RIBC1: variants seen among roughly 807,000 people sequenced by gnomAD.
The protein encoded by RIBC1 is RIB43A-like with coiled-coils protein 1.
In RIBC1, 12 loss-of-function variants were observed where a neutral mutation model predicts 33.7. The ratio of observed to expected loss-of-function variants is 0.36; its 90% confidence interval spans 0.23 to 0.58. The LOEUF (loss-of-function observed/expected upper bound fraction) is 0.58, where lower values mean the gene tolerates loss of function less well. Among genes scored for constraint, RIBC1 ranks in the 20% least tolerant of loss-of-function variants. The probability of loss-of-function intolerance (pLI) is 0.81; values close to 1 mark genes in which losing one functional copy is unlikely to be tolerated. For synonymous variants in RIBC1, 89 were observed against 109.0 expected, an observed-to-expected ratio of 0.82 and a Z score of 1.14; for missense variants, 242 against 311.6, an observed-to-expected ratio of 0.78 and a Z score of 1.68.
chrX:53,424,210 A>G (rs962870899), intron 2 of RIBC1, among the ~76,000 whole-genome samples: 12 of 111,243 alleles, frequency 1.1e-4, no homozygotes, highest in Admixed American at 1.9e-4. Flanking sequence ...CCATGGGGAA[A>G]TACTGTTCCC....
chrX:53,430,475 G>C lies in RIBC1; in HGVS notation c.743G>C (p.Ser248Thr), dbSNP rs1556894074. ...KANLAEIQHQ[S>T]TSDLLTENPQ... ...AACCTTGCGGAGATCCAGCACCAGA[G>C]CACGAGTGACCTACTGACTGAAAAC... Residue 248 changes from serine to threonine, a missense_variant, in exon 7 of 8, where the codon AGC becomes ACC. Coordinates refer to ENST00000375327, the MANE Select transcript of RIBC1 (RefSeq NM_001031745.5). The C allele has an allele frequency of 7.4e-6, 9 of 1,209,212 alleles. 1 individual carries two copies. In the South Asian group the frequency reaches 1.6e-4, roughly 21 times the overall value.
At chrX:53,425,515 T>TAAAAAAAAAAAA (rs782760749) in intron 2 of RIBC1, among the ~76,000 whole-genome samples, 1 of 25,861 alleles carries the variant, frequency 3.9e-5, no homozygotes, top group African/African-American at 1.6e-4. Flanking sequence ...GTAATAAAAG[T>TAAAAAAAAAAAA]AAAAAAAAAA....
chrX:53,427,652 A>T (rs1049220995), intron 3 of RIBC1, among the ~76,000 whole-genome samples: 3 of 112,409 alleles, frequency 2.7e-5, no homozygotes, highest in Non-Finnish European at 5.6e-5. Flanking sequence ...GTGAAGGCTG[A>T]GCTGGTCTCG....
chrX:53,422,942 C>T lies in RIBC1; in HGVS notation c.-152C>T. On this transcript the variant is annotated 5_prime_UTR_variant, in exon 1 of 8. Coordinates refer to ENST00000375327, the MANE Select transcript of RIBC1 (RefSeq NM_001031745.5). Reference sequence around the variant, plus strand: ...TGAGGTTCAAGGAGGCGGGGGAGACCTGAGCTCACGCTTGCTGAGACAGAA... The same window carrying T: ...TGAGGTTCAAGGAGGCGGGGGAGACTTGAGCTCACGCTTGCTGAGACAGAA... The T allele has an allele frequency of 7.7e-6, 2 of 261,218 alleles. No individual in the cohort carries two copies. The highest frequency in any genetic ancestry group is 1.4e-5 in the Non-Finnish European group (2 of 139,703). 21.5% of individuals were successfully genotyped at this position (261,218 alleles called of 1,213,427 possible).
Position 53,428,577 on chromosome X carries a change from A to C in RIBC1, c.494A>C (p.Glu165Ala). 1 of 1,210,627 alleles carries C rather than the reference A, an allele frequency of 8.3e-7. No individual in the cohort carries two copies. Among genetic ancestry groups the C allele is most frequent in the Non-Finnish European group, 1.1e-6 (1 of 894,983 alleles). ...MQQGQFRYNL[E>A]RQQQEQQQAK... ...CAGGGGCAGTTCAGGTACAACTTGG[A>C]AAGGCAACAGCAGGAGCAACAGCAA... is the stretch of plus-strand genomic sequence containing the variant. The change falls in exon 5 of 8, where the codon GAA becomes GCA. Residue 165 changes from glutamate (E) to alanine (A), a missense_variant. Physicochemically the swap from Glu to Ala is moderately radical, Grantham distance 107. Transcript: ENST00000375327.
intron 5 of RIBC1, chrX:53,429,620 AAGC>A: frequency 1.1e-6 from 1 of 935,829 alleles, no homozygotes; most frequent in South Asian, 3.9e-5. Context: ...CACAGCTCAG[AAGC>A]AGCAGAACTG....
intron 5 of RIBC1, 173 bp from the exon 6 acceptor site, chrX:53,429,681 A>C: frequency 9.7e-7 from 1 of 1,035,927 alleles, no homozygotes; most frequent in Non-Finnish European, 1.2e-6. Flanking sequence ...TATGCGCTTG[A>C]GAAATCGTTG....
intron 4 of RIBC1, 40 bp from the exon 5 acceptor site, chrX:53,428,243 C>T: frequency 8.3e-7 from 1 of 1,201,973 alleles, no homozygotes; most frequent in Non-Finnish European, 1.1e-6. Flanking sequence ...CTCTGTCCCT[C>T]CTGGGGTATC....
chrX:53,425,907 C>T (rs1427094491), intron 2 of RIBC1, among the ~76,000 whole-genome samples: 6 of 112,386 alleles, frequency 5.3e-5, no homozygotes, highest in Admixed American at 9.4e-5. Flanking sequence ...GGGGTTGGGC[C>T]TTATAAGCAC....
intron 5 of RIBC1, chrX:53,429,057 A>C (rs2075807175): frequency 6.5e-6 from 1 of 153,833 alleles, no homozygotes; most frequent in African/African-American, 3.0e-5. Flanking sequence ...ACCATGTCTT[A>C]TCTACTTGCA....
chrX:53,431,112 T>A lies in RIBC1; in HGVS notation c.*124T>A. ...AGGTAATAAAGTTCTGCACTCAAAA[T>A]CAAGTCCACATGTTGTAACAGGACA... On this transcript the variant is annotated 3_prime_UTR_variant, in exon 8 of 8. Transcript: ENST00000375327. The A allele has an allele frequency of 9.7e-7, 1 of 1,031,713 alleles. No individual in the cohort carries two copies. The highest frequency in any genetic ancestry group is 1.3e-6 in the Non-Finnish European group (1 of 756,525). The allele number at this position is 1,031,713 out of a possible 1,213,427, so 85.0% of individuals were successfully genotyped here.
intron 5 of RIBC1, 181 bp from the exon 6 acceptor site, chrX:53,429,673 T>C (rs1602424610): frequency 6.8e-6 from 7 of 1,029,672 alleles, no homozygotes; most frequent in Non-Finnish European, 8.8e-6. Flanking sequence ...CTTTTAGTTA[T>C]GCGCTTGAGA....
chrX:53,423,082 C>T, intron 1 of RIBC1, 78 bp downstream of exon 1: 2 of 170,998 alleles, frequency 1.2e-5, no homozygotes, highest in Non-Finnish European at 2.3e-5. Flanking sequence ...TGGAAGGACC[C>T]GGGGGGAGCG....
At chrX:53,428,202 G>T in intron 4 of RIBC1, 81 bp from the exon 5 acceptor site, 1 of 1,200,921 alleles carries the variant, frequency 8.3e-7, no homozygotes, top group Non-Finnish European at 1.1e-6. Flanking sequence ...AAATTGGATG[G>T]ACCTTGAGAG....
At chrX:53,428,215 G>A in intron 4 of RIBC1, 68 bp from the exon 5 acceptor site, 3 of 1,200,701 alleles carry the variant, frequency 2.5e-6, no homozygotes, top group Non-Finnish European at 3.4e-6. Context: ...CTTGAGAGTA[G>A]AGGACATGCT....
At chrX:53,426,626 C>G (rs112847594) in intron 3 of RIBC1, among the ~76,000 whole-genome samples, 5 of 111,763 alleles carry the variant, frequency 4.5e-5, no homozygotes, top group Admixed American at 9.5e-5. Context: ...TGACCCTTCT[C>G]CAGTCAGCTC....
At chrX:53,428,156 C>G in intron 4 of RIBC1, 72 bp downstream of exon 4, 1 of 1,197,194 alleles carries the variant, frequency 8.4e-7, no homozygotes, top group Non-Finnish European at 1.1e-6. Flanking sequence ...TAGGGCAGTT[C>G]TGCCTCTGTG....
chrX:53,424,653 G>A (rs1285180560), intron 2 of RIBC1, among the ~76,000 whole-genome samples: 7 of 107,163 alleles, frequency 6.5e-5, no homozygotes, highest in Non-Finnish European at 1.2e-4. Flanking sequence ...GAGCCACCGC[G>A]CCCGGCCAAA....
At chrX:53,426,067 T>C (rs1446023531) in intron 2 of RIBC1, among the ~76,000 whole-genome samples, 2 of 112,142 alleles carry the variant, frequency 1.8e-5, no homozygotes, top group Non-Finnish European at 3.8e-5. Flanking sequence ...CCAGTGGGGC[T>C]CCTGAGATAC....
Sources: allele counts gnomAD v4.1 joint callset (sites outside exome capture counted in the v4.1 genomes callset), GRCh38; gene constraint gnomAD v4.1.1; transcripts MANE v1.5; gene names NCBI Gene and HGNC (gene_info 2026-07-23, HGNC 2026-07-21).